The following DGKG variants were observed in gnomAD, a reference collection of about 807,000 sequenced individuals.
DGKG encodes diacylglycerol kinase gamma.
A neutral mutation model predicts 105.3 loss-of-function variants in DGKG; 78 were observed. The ratio of observed to expected loss-of-function variants is 0.74; its 90% CI spans 0.62 to 0.89. The LOEUF (loss-of-function observed/expected upper bound fraction) is 0.89, where lower values mean the gene tolerates loss of function less well. Ranked by LOEUF, DGKG falls within the 40% of genes least tolerant of loss-of-function variation. The pLI is 0.00. For synonymous variants in DGKG, 346 were observed against 367.1 expected, an observed-to-expected ratio of 0.94 and a Z score of 0.66; for missense variants, 958 against 1,020.1, an observed-to-expected ratio of 0.94 and a Z score of 0.83.
chr3:186,264,607 C>T (rs1463979375), intron 14 of DGKG, among the ~76,000 whole-genome samples: 1 of 152,160 alleles, frequency 6.6e-6, no homozygotes, highest in Non-Finnish European at 1.5e-5. Flanking sequence ...CTCATTTAAT[C>T]TTACAGCACC....
intron 14 of DGKG, 129 bp downstream of exon 14, chr3:186,265,118 G>T (rs944634356): frequency 1.2e-6 from 1 of 821,180 alleles, no homozygotes; most frequent in Non-Finnish European, 2.0e-6. Flanking sequence ...TGCCCTCCTG[G>T]GTGGTATAAT....
At chr3:186,287,289 A>C (rs1204742211) in intron 6 of DGKG, among the ~76,000 whole-genome samples, 1 of 152,142 alleles carries the variant, frequency 6.6e-6, no homozygotes, top group Non-Finnish European at 1.5e-5. Context: ...TAAGAAGAAG[A>C]GTCTGCGATT....
At position 186,149,008 on chromosome 3, in the gene DGKG, G is replaced by A. The variant is rs563694180; in HGVS notation, c.*1082C>T. 1,782 of 802,888 alleles carry A rather than the reference G, an allele frequency of 2.2e-3. 8 individuals carry two copies. Among genetic ancestry groups the A allele is most frequent in the Middle Eastern group, 5.7e-3 (9 of 1,574 alleles). The allele number at this position is 802,888 out of a possible 1,614,324, so 49.7% of individuals were successfully genotyped here. A position where few individuals can be genotyped will look rare whatever the true frequency, so the allele number is the denominator to read the frequency against. On this transcript the variant is annotated 3_prime_UTR_variant, in exon 25 of 25. Transcript: ENST00000265022. Reference sequence around the variant, plus strand: ...ATAGGCTAAATATATATATATACACGCACACACACACACACACGCGCGCAC... The same window carrying A: ...ATAGGCTAAATATATATATATACACACACACACACACACACACGCGCGCAC...
At chr3:186,297,624 C>G in intron 4 of DGKG, 141 bp from the exon 5 acceptor site, 1 of 659,722 alleles carries the variant, frequency 1.5e-6, no homozygotes, top group Non-Finnish European at 2.7e-6. Context: ...GGTTCATGCT[C>G]GCTTATTGGG....
rs191007155 is a variant in DGKG, at chr3:186,202,958, C to G, written c.1917+8837G>C. ...GACAAAAGAAAATCAAAGTAATTCA[C>G]AAAGAACAAAAGAAATGGAAAAGAA... On this transcript the variant is annotated intron_variant, in intron 21 of 24. Coordinates refer to ENST00000265022, the MANE Select transcript of DGKG (RefSeq NM_001346.3). Among the ~76,000 whole-genome samples the G allele has an allele frequency of 7.0e-4, 106 of 151,932 alleles. 2 individuals are homozygous for G. The East Asian group carries it at 0.017, about 25-fold the overall frequency.
chr3:186,267,791 T>A lies in DGKG; in HGVS notation c.1117-14A>T. The A allele has an allele frequency of 6.2e-7, 1 of 1,611,146 alleles. No homozygotes were observed. The highest frequency in any genetic ancestry group is 1.1e-5 in the South Asian group (1 of 91,000). ...TTTGCGGTGAAACTGGGGGGAGAAA[T>A]GAAAAAGAGAGTGAGTGAAAGTGAG... is the stretch of plus-strand genomic sequence containing the variant. On this transcript the variant is annotated splice_polypyrimidine_tract_variant and intron_variant, in intron 12 of 24. Transcript: ENST00000265022.
At chr3:186,325,395 A>G (rs1016866754) in intron 1 of DGKG, among the ~76,000 whole-genome samples, 16 of 152,230 alleles carry the variant, frequency 1.1e-4, no homozygotes, top group African/African-American at 3.6e-4. Context: ...CCTGAATAAT[A>G]GTTGAAATTT....
chr3:186,298,899 C>T (rs1723730085), intron 3 of DGKG, among the ~76,000 whole-genome samples: 1 of 152,174 alleles, frequency 6.6e-6, no homozygotes, highest in Non-Finnish European at 1.5e-5. Context: ...AGCTGCTTCT[C>T]AAAACATGTC....
intron 21 of DGKG, among the ~76,000 whole-genome samples, chr3:186,205,646 G>A (rs1264593400): frequency 6.6e-6 from 1 of 152,008 alleles, no homozygotes; most frequent in African/African-American, 2.4e-5. Flanking sequence ...GGAGGAAGGG[G>A]TTTCAGTGGG....
At chr3:186,163,026 G>A (rs1716375061) in intron 23 of DGKG, among the ~76,000 whole-genome samples, 1 of 152,042 alleles carries the variant, frequency 6.6e-6, no homozygotes. Context: ...TTTAAAAAGA[G>A]ACAGGGTGTC....
rs59305806 is a variant in DGKG, at chr3:186,191,676, G to A, written c.1918-3297C>T. The stretch of plus-strand genomic sequence containing the variant: ...TTCTATGTTCTTTTTCACTTCAAAC[G>A]TTGTCTAGCATTCAGCTGGGCCTTC... On this transcript the variant is annotated intron_variant, in intron 21 of 24. Transcript: ENST00000265022. Among the ~76,000 whole-genome samples the A allele has an allele frequency of 6.1e-3, 935 of 152,302 alleles. 15 individuals carry two copies. The highest frequency in any genetic ancestry group is 0.022 in the African/African-American group (897 of 41,570).
chr3:186,257,416 G>T (rs1721531689), intron 17 of DGKG, among the ~76,000 whole-genome samples: 1 of 152,184 alleles, frequency 6.6e-6, no homozygotes, highest in Non-Finnish European at 1.5e-5. Flanking sequence ...GCACTGATCT[G>T]TACTTTCTAG....
chr3:186,254,763 TA>T (rs1721385208), intron 17 of DGKG, among the ~76,000 whole-genome samples: 1 of 152,122 alleles, frequency 6.6e-6, no homozygotes, highest in East Asian at 1.9e-4. Flanking sequence ...TCCACCCTCC[TA>T]GTGTGTCACC....
chr3:186,189,731 C>G (rs1717815041), intron 21 of DGKG, among the ~76,000 whole-genome samples: 2 of 152,162 alleles, frequency 1.3e-5, no homozygotes, highest in Admixed American at 1.3e-4. Flanking sequence ...ATTATGTTAT[C>G]TTGTTTCCCC....
At chr3:186,336,662 A>G (rs1417948225) in intron 1 of DGKG, among the ~76,000 whole-genome samples, 1 of 152,140 alleles carries the variant, frequency 6.6e-6, no homozygotes, top group East Asian at 1.9e-4. Flanking sequence ...GGTTAAAAGC[A>G]AAAGTCCTTT....
rs113841349 is a variant in DGKG, at chr3:186,331,758, A to G, written c.-248-11051T>C. Among the ~76,000 whole-genome samples the G allele has an allele frequency of 6.9e-4, 105 of 152,310 alleles. 1 individual carries two copies. Among genetic ancestry groups the G allele is most frequent in the African/African-American group, 2.1e-3 (88 of 41,564 alleles). The stretch of plus-strand genomic sequence containing the variant: ...GTGTTTGTAGCTCAGGGGCATCACA[A>G]TCTGAGGATTGGTCATTCATTCATT... On this transcript the variant is annotated intron_variant, in intron 1 of 24. Transcript: ENST00000265022.
chr3:186,318,759 C>T (rs564386503), intron 2 of DGKG, among the ~76,000 whole-genome samples: 6 of 152,278 alleles, frequency 3.9e-5, no homozygotes, highest in South Asian at 2.1e-4. Flanking sequence ...GAGCCAGCGC[C>T]GCTGACTCCT....
intron 12 of DGKG, among the ~76,000 whole-genome samples, chr3:186,267,987 G>A (rs1226157368): frequency 6.6e-6 from 1 of 151,984 alleles, no homozygotes; most frequent in African/African-American, 2.4e-5. Flanking sequence ...GAGCAAAGAG[G>A]CCAAGAGCCG....
intron 22 of DGKG, among the ~76,000 whole-genome samples, chr3:186,181,117 A>G (rs1717338241): frequency 6.6e-6 from 1 of 152,188 alleles, no homozygotes; most frequent in South Asian, 2.1e-4. Context: ...TAGCTAAGCA[A>G]TTCTTAGTAC....
Sources: gnomAD v4.1 joint callset for allele counts (sites outside exome capture counted in the v4.1 genomes callset) on GRCh38, gnomAD v4.1.1 for gene constraint, MANE v1.5 for transcripts, NCBI Gene and HGNC (gene_info 2026-07-23, HGNC 2026-07-21) for gene names.